LTBP3: variants seen among roughly 807,000 people sequenced by gnomAD.
LTBP3 encodes latent-transforming growth factor beta-binding protein 3.
A neutral mutation model predicts 159.7 loss-of-function variants in LTBP3; 97 were observed. The ratio of observed to expected loss-of-function variants is 0.61; its 90% CI spans 0.52 to 0.72. LTBP3 has a LOEUF of 0.72. Among genes scored for constraint, LTBP3 ranks in the 30% least tolerant of loss-of-function variants. LTBP3 has a pLI of 0.00. For synonymous variants in LTBP3, 824 were observed against 777.1 expected, an observed-to-expected ratio of 1.06 and a Z score of -1.00; for missense variants, 1,584 against 1,864.3, an observed-to-expected ratio of 0.85 and a Z score of 2.77.
At chr11:65,550,977 CT>C (rs1856587323) in intron 11 of LTBP3, 148 bp downstream of exon 11, 1 of 706,144 alleles carries the variant, frequency 1.4e-6, no homozygotes, top group Admixed American at 2.1e-5. Flanking sequence ...GCAGTGGGAT[CT>C]CTGGTGCTCA....
At chr11:65,555,017 T>C (rs1856758739) in intron 1 of LTBP3, among the ~76,000 whole-genome samples, 2 of 152,116 alleles carry the variant, frequency 1.3e-5, no homozygotes, top group Admixed American at 1.3e-4. Flanking sequence ...GTCAGCATCC[T>C]GCCTCCCCAC....
intron 11 of LTBP3, chr11:65,548,415 A>G (rs1017038724): frequency 3.9e-6 from 2 of 513,968 alleles, no homozygotes; most frequent in African/African-American, 3.8e-5. Context: ...AGTCGCCTCA[A>G]TACCTTAAAC....
Position 65,546,548 on chromosome 11 carries a change from G to A in LTBP3, c.2247C>T (p.Ala749=), listed in dbSNP as rs750866740. The change falls in exon 16 of 28, where the codon GCC becomes GCT. Residue 749 remains alanine, a synonymous_variant. Coordinates refer to ENST00000301873, the MANE Select transcript of LTBP3 (RefSeq NM_001130144.3). This position sits in a 1 kb window ranked among gnomAD's most constrained non-coding sequence, Gnocchi z 4.0. Reference sequence around the variant, plus strand: ...AGCCAGGCGAGCAGGGGCTGCCCTCGGCGCACTCGTTCACGTCTGCGGCGG... The same window carrying A: ...AGCCAGGCGAGCAGGGGCTGCCCTCAGCGCACTCGTTCACGTCTGCGGCGG... ...GGACRDVNEC[A]EGSPCSPGWC... is the part of the protein sequence containing the mutation. The A allele has an allele frequency of 6.2e-7, 1 of 1,602,346 alleles. No individual in the cohort carries two copies.
At chr11:65,545,865 T>C (rs1856341681) in intron 16 of LTBP3, 1 of 186,442 alleles carries the variant, frequency 5.4e-6, no homozygotes. Flanking sequence ...TCAGCCCCCA[T>C]AGCCTGATCA....
At chr11:65,545,593 T>A (rs1856328926) in intron 16 of LTBP3, 1 of 230,564 alleles carries the variant, frequency 4.3e-6, no homozygotes, top group African/African-American at 2.2e-5. Context: ...GGAGGTCTAA[T>A]ATTTCTCCAA....
At position 65,553,728 on chromosome 11, in the gene LTBP3, G is replaced by A; in HGVS notation, c.837C>T (p.Cys279=). Residue 279 remains cysteine (C), a synonymous_variant, in exon 3 of 28, where the codon TGC becomes TGT. Coordinates refer to ENST00000301873, the MANE Select transcript of LTBP3 (RefSeq NM_001130144.3). This position sits in a 1 kb window ranked among gnomAD's most constrained non-coding sequence, Gnocchi z 6.5. Reference sequence around the variant, plus strand: ...GCTGCTTGGGCAGAGTGTCCTGAAAGCAGCGGCCCAGGGGCTTCTGGGTGG... The same window carrying A: ...GCTGCTTGGGCAGAGTGTCCTGAAAACAGCGGCCCAGGGGCTTCTGGGTGG... ...RPPTQKPLGR[C]FQDTLPKQPC... The A allele has an allele frequency of 6.3e-7, 1 of 1,579,390 alleles. No individual in the cohort carries two copies. Among genetic ancestry groups the A allele is most frequent in the South Asian group, 1.1e-5 (1 of 88,044 alleles).
Position 65,552,965 on chromosome 11 carries a change from T to A in LTBP3, c.1081A>T (p.Met361Leu), listed in dbSNP as rs1042614032. Residue 361 changes from methionine to leucine, a missense_variant, in exon 6 of 28, where the codon ATG (methionine) becomes TTG (leucine). Met to Leu is a conservative substitution (Grantham distance 15). Around this residue, in one of 6 missense-constraint regions of LTBP3, gnomAD observed 156 missense variants for 259.7 expected, o/e 0.60. Coordinates refer to ENST00000301873, the MANE Select transcript of LTBP3 (RefSeq NM_001130144.3). This position sits in a 1 kb window ranked among gnomAD's most constrained non-coding sequence, Gnocchi z 6.0. ...THCQDINECAMPGVCRHGDCL... is the reference protein window; with the variant it reads ...THCQDINECALPGVCRHGDCL... Reference sequence around the variant, plus strand: ...TCACCATGGCGACACACGCCCGGCATTGCGCACTCGTTGATGTCTGTGGTA... The same window carrying A: ...TCACCATGGCGACACACGCCCGGCAATGCGCACTCGTTGATGTCTGTGGTA... 6.2e-7 allele frequency: 1 copy of A among 1,614,032 alleles called. No individual in the cohort carries two copies. The highest frequency in any genetic ancestry group is 8.5e-7 in the Non-Finnish European group (1 of 1,180,018).
In LTBP3 at chr11:65,539,760, G is replaced by C; in HGVS notation, c.3507C>G (p.Gly1169=). 2 of 1,545,506 alleles carry C rather than the reference G, an allele frequency of 1.3e-6. No individual in the cohort carries two copies. The highest frequency in any genetic ancestry group is 1.7e-6 in the Non-Finnish European group (2 of 1,152,768). ...GGCACGGTCGGCATTGGGCGCCCCA[G>C]CCGCGGCCCTGGCGGCAGCAGCAGT... is the stretch of plus-strand genomic sequence containing the variant. ...FDDCCCRQGR[G]WGAQCRPCPP... The change falls in exon 25 of 28, where the codon GGC becomes GGG. Residue 1169 remains glycine, a synonymous_variant. Transcript: ENST00000301873.
Position 65,552,877 on chromosome 11 carries a change from G to A in LTBP3, c.1169C>T (p.Ser390Phe), listed in dbSNP as rs376942561. The change falls in exon 6 of 28, where the codon TCC (serine) becomes TTC (phenylalanine). Residue 390 changes from serine to phenylalanine, a missense_variant. By Grantham distance (155) the Ser-to-Phe change is radical (BLOSUM62 -2). Coordinates refer to ENST00000301873, the MANE Select transcript of LTBP3 (RefSeq NM_001130144.3). This position sits in a 1 kb window ranked among gnomAD's most constrained non-coding sequence, Gnocchi z 6.0. ...VCPPGHSLGPSRTQCIADKPE... is the reference protein window; with the variant it reads ...VCPPGHSLGPFRTQCIADKPE... ...GGTCTCACCAATGCACTGTGTACGG[G>A]AGGGGCCTAAACTATGGCCAGGTGG... is the stretch of plus-strand genomic sequence containing the variant. 6.2e-7 allele frequency: 1 copy of A among 1,614,214 alleles called. No individual in the cohort carries two copies. The highest frequency in any genetic ancestry group is 8.5e-7 in the Non-Finnish European group (1 of 1,180,034).
chr11:65,550,818 G>A (rs1403839044), intron 11 of LTBP3, among the ~76,000 whole-genome samples: 1 of 152,010 alleles, frequency 6.6e-6, no homozygotes, highest in African/African-American at 2.4e-5. Flanking sequence ...GCAAGACTCC[G>A]TCTCAAAAAA....
Position 65,557,832 on chromosome 11 carries a change from C to A in LTBP3, c.128G>T (p.Gly43Val). 1 of 1,423,970 alleles carries A rather than the reference C, an allele frequency of 7.0e-7. No homozygotes were observed. The highest frequency in any genetic ancestry group is 1.4e-5 in the South Asian group (1 of 69,184). 88.2% of individuals were successfully genotyped at this position (1,423,970 alleles called of 1,614,324 possible). ...TGCGCCCCGCTCGCCGGCCGGCCCC[C>A]CCTCGACCCTGCCGCCCAGGCCCAG... is the stretch of plus-strand genomic sequence containing the variant. ...LLLGLGGRVEGGPAGERGAGG... is the reference protein window; with the variant it reads ...LLLGLGGRVEVGPAGERGAGG... The change falls in exon 1 of 28, where the codon GGG (glycine) becomes GTG (valine). Residue 43 changes from glycine to valine, a missense_variant. Physicochemically the swap from Gly to Val is moderately radical, Grantham distance 109. Around this residue, in one of 6 missense-constraint regions of LTBP3, gnomAD observed 79 missense variants for 64.7 expected, o/e 1.22. Coordinates refer to ENST00000301873, the MANE Select transcript of LTBP3 (RefSeq NM_001130144.3).
intron 11 of LTBP3, among the ~76,000 whole-genome samples, chr11:65,550,278 G>C (rs1223783456): frequency 6.6e-6 from 1 of 152,066 alleles, no homozygotes; most frequent in Non-Finnish European, 1.5e-5. Context: ...CGGGTGTGGT[G>C]GTGGGCGCCT....
chr11:65,547,877 C>T lies in LTBP3; in HGVS notation c.1846+43G>A, dbSNP rs1044481713. 2 of 1,613,182 alleles carry T rather than the reference C, an allele frequency of 1.2e-6. No individual in the cohort carries two copies. Among genetic ancestry groups the T allele is most frequent in the Non-Finnish European group, 1.7e-6 (2 of 1,179,892 alleles). On this transcript the variant is annotated intron_variant, in intron 12 of 27. Transcript: ENST00000301873. This position sits in a 1 kb window ranked among gnomAD's most constrained non-coding sequence, Gnocchi z 4.6. ...AAAGGAAGCGTCGTTATCTGGGGTC[C>T]CCCCCCACCCACCTGCATGCCCGCC...
Position 65,552,164 on chromosome 11 carries a change from TCAAGA to T in LTBP3, c.1346-12_1346-8del. ...CAGATCTCCTTGAACGCAGCTGCAG[TCAAGA>T]CAGCAGACACAAAAGTGAGCATTTC... On this transcript the variant is annotated splice_polypyrimidine_tract_variant and splice_region_variant and intron_variant, in intron 7 of 27. Coordinates refer to ENST00000301873, the MANE Select transcript of LTBP3 (RefSeq NM_001130144.3). The surrounding 1 kb of genome is among the most constrained non-coding windows in gnomAD (Gnocchi z 6.0). 4 of 1,614,090 alleles carry T rather than the reference TCAAGA, an allele frequency of 2.5e-6. No individual in the cohort carries two copies. Among genetic ancestry groups the T allele is most frequent in the Non-Finnish European group, 3.4e-6 (4 of 1,179,998 alleles).
chr11:65,538,579 G>A lies in LTBP3; in HGVS notation c.*501C>T. The A allele has an allele frequency of 6.2e-7, 1 of 1,606,176 alleles. No individual in the cohort carries two copies. The highest frequency in any genetic ancestry group is 8.5e-7 in the Non-Finnish European group (1 of 1,176,558). The stretch of plus-strand genomic sequence containing the variant: ...GAAGCTGGACTGAACCGTGGCGGTG[G>A]CCCTTCCCGGCTGCGGAGAGCCCGC... On this transcript the variant is annotated 3_prime_UTR_variant, in exon 28 of 28. Transcript: ENST00000301873.
At position 65,553,958 on chromosome 11, in the gene LTBP3, C is replaced by G; in HGVS notation, c.662-55G>C. 1 of 1,542,684 alleles carries G rather than the reference C, an allele frequency of 6.5e-7. No individual in the cohort carries two copies. Among genetic ancestry groups the G allele is most frequent in the Non-Finnish European group, 8.8e-7 (1 of 1,142,072 alleles). On this transcript the variant is annotated intron_variant, in intron 2 of 27. Transcript: ENST00000301873. This position sits in a 1 kb window ranked among gnomAD's most constrained non-coding sequence, Gnocchi z 6.5. ...GCCCGCACCGCGCCGCGGGTCACCGCGCTGAGCTCCTCCAGGGCTGAACCT... is the reference window on the plus strand; with the variant it reads ...GCCCGCACCGCGCCGCGGGTCACCGGGCTGAGCTCCTCCAGGGCTGAACCT...
Position 65,539,188 on chromosome 11 carries a change from G to A in LTBP3, c.3804C>T (p.Cys1268=), listed in dbSNP as rs1433129037. 4 of 1,521,414 alleles carry A rather than the reference G, an allele frequency of 2.6e-6. No individual in the cohort carries two copies. The highest frequency in any genetic ancestry group is 2.6e-5 in the East Asian group (1 of 38,494). 94.2% of individuals were successfully genotyped at this position (1,521,414 alleles called of 1,614,324 possible). The change falls in exon 28 of 28, where the codon TGC becomes TGT. Residue 1268 remains cysteine, a synonymous_variant. Transcript: ENST00000301873. ...CRELNQRGLL[C]KSERCVNTSG... ...TGGTGTTCACGCAGCGCTCGCTCTT[G>A]CACAGCAGCCCGCGCTGGTTCAGCT...
At position 65,546,701 on chromosome 11, in the gene LTBP3, G is replaced by A. The variant is rs1590771330; in HGVS notation, c.2230+97C>T. The A allele has an allele frequency of 1.3e-6, 2 of 1,524,500 alleles. No individual in the cohort carries two copies. The highest frequency in any genetic ancestry group is 1.8e-6 in the Non-Finnish European group (2 of 1,134,944). The allele number at this position is 1,524,500 out of a possible 1,614,324, so 94.4% of individuals were successfully genotyped here. On this transcript the variant is annotated intron_variant, in intron 15 of 27. Transcript: ENST00000301873. This position sits in a 1 kb window ranked among gnomAD's most constrained non-coding sequence, Gnocchi z 4.0. ...CTCCCGGAAGGCCCCGCCCCCAGAC[G>A]CCAATCACCACCGCTACCCCGCCCC...
At position 65,538,594 on chromosome 11, in the gene LTBP3, G is replaced by A. The variant is rs1327374570; in HGVS notation, c.*486C>T. ...CGTGGCGGTGGCCCTTCCCGGCTGC[G>A]GAGAGCCCGCCCCACAGATGTATTT... On this transcript the variant is annotated 3_prime_UTR_variant, in exon 28 of 28. Transcript: ENST00000301873. 7.5e-6 allele frequency: 12 copies of A among 1,601,484 alleles called. No individual in the cohort carries two copies. The highest frequency in any genetic ancestry group is 1.7e-5 in the Admixed American group (1 of 59,452).
Sources: gnomAD v4.1 joint callset for allele counts (sites outside exome capture counted in the v4.1 genomes callset) on GRCh38, gnomAD v4.1.1 for gene constraint, gnomAD v4.1.1 regional missense constraint, Gnocchi (gnomAD v3.1) non-coding constraint, MANE v1.5 for transcripts, NCBI Gene and HGNC (gene_info 2026-07-23, HGNC 2026-07-21) for gene names.